Variants in GLRA3 observed in about 807,000 individuals in gnomAD.
GLRA3 encodes the protein glycine receptor alpha 3.
Under a neutral mutation model 60.4 loss-of-function variants are expected in GLRA3, and 44 were observed. The ratio of observed to expected loss-of-function variants is 0.73; its 90% CI spans 0.57 to 0.94. The LOEUF is 0.94. Ranked by LOEUF, GLRA3 falls within the 40% of genes least tolerant of loss-of-function variation. The pLI is 0.00. For missense variants in GLRA3, 508 were observed against 564.6 expected, an observed-to-expected ratio of 0.90 and a Z score of 1.02; for synonymous variants, 223 against 192.9, an observed-to-expected ratio of 1.16 and a Z score of -1.29.
At position 174,772,688 on chromosome 4, in the gene GLRA3, A is replaced by G. The variant is rs187556723; in HGVS notation, c.200-5658T>C. 3.1e-3 allele frequency among the ~76,000 whole-genome samples: 476 copies of G among 152,308 alleles called. 5 individuals carry two copies. Among genetic ancestry groups the G allele is most frequent in the African/African-American group, 0.011 (441 of 41,558 alleles). Reference sequence around the variant, plus strand: ...CATAGAGTCTCCTCAATGTAATAACAAGGTATTTGGGATTTACTTTAGGAA... The same window carrying G: ...CATAGAGTCTCCTCAATGTAATAACGAGGTATTTGGGATTTACTTTAGGAA... On this transcript the variant is annotated intron_variant, in intron 2 of 9. Coordinates refer to ENST00000274093, the MANE Select transcript of GLRA3 (RefSeq NM_006529.4).
rs1455564448 is a variant in GLRA3, at chr4:174,640,065, T to G, written c.*3721A>C. 6.6e-6 allele frequency: 1 copy of G among 152,158 alleles called. No homozygotes were observed. The highest frequency in any genetic ancestry group is 1.5e-5 in the Non-Finnish European group (1 of 67,992). 9.4% of individuals were successfully genotyped at this position (152,158 alleles called of 1,614,324 possible). On this transcript the variant is annotated 3_prime_UTR_variant, in exon 10 of 10. Transcript: ENST00000274093. ...TTGCTTTTCTTTGCTAGTTCAATAT[T>G]AACTAGATGAAAAATATAGGTCGTA...
At chr4:174,810,067 A>G (rs1740200525) in intron 1 of GLRA3, among the ~76,000 whole-genome samples, 1 of 152,206 alleles carries the variant, frequency 6.6e-6, no homozygotes, top group Non-Finnish European at 1.5e-5. Flanking sequence ...GCACTGTCTG[A>G]GGACTCTGGA....
chr4:174,636,970 A>C lies in GLRA3; in HGVS notation c.*6816T>G, dbSNP rs1174630027. Reference sequence around the variant, plus strand: ...GTTTCGGATCAAATTATCTATAGTTACATGTTAAATACTTTATACTGTTCA... The same window carrying C: ...GTTTCGGATCAAATTATCTATAGTTCCATGTTAAATACTTTATACTGTTCA... On this transcript the variant is annotated 3_prime_UTR_variant, in exon 10 of 10. Coordinates refer to ENST00000274093, the MANE Select transcript of GLRA3 (RefSeq NM_006529.4). 1.3e-5 allele frequency: 2 copies of C among 152,214 alleles called. No individual in the cohort carries two copies. The highest frequency in any genetic ancestry group is 3.8e-4 in the East Asian group (2 of 5,200). 9.4% of individuals were successfully genotyped at this position (152,214 alleles called of 1,614,324 possible). A position where few individuals can be genotyped will look rare whatever the true frequency, so the allele number is the denominator to read the frequency against.
chr4:174,685,487 A>G (rs1048399155), intron 5 of GLRA3, among the ~76,000 whole-genome samples: 3 of 152,168 alleles, frequency 2.0e-5, no homozygotes, highest in African/African-American at 7.2e-5. Context: ...AGAGTTTGTG[A>G]AAGTCATTGA....
At chr4:174,658,543 A>G (rs1415087210) in intron 8 of GLRA3, among the ~76,000 whole-genome samples, 1 of 152,192 alleles carries the variant, frequency 6.6e-6, no homozygotes, top group African/African-American at 2.4e-5. Context: ...TGTTTCCCAC[A>G]GGGTTTCAAA....
At chr4:174,732,215 TGTG>T (rs1561083469) in intron 3 of GLRA3, among the ~76,000 whole-genome samples, 1 of 151,500 alleles carries the variant, frequency 6.6e-6, no homozygotes, top group African/African-American at 2.4e-5. Context: ...ATTAGCTGGG[TGTG>T]GTGGCGTGCG....
chr4:174,690,508 T>A (rs1182201336), intron 5 of GLRA3, among the ~76,000 whole-genome samples: 3 of 152,194 alleles, frequency 2.0e-5, no homozygotes, highest in Non-Finnish European at 4.4e-5. Flanking sequence ...TATTTATTTA[T>A]TCAGTTTTAA....
At chr4:174,816,406 C>G (rs564663094) in intron 1 of GLRA3, among the ~76,000 whole-genome samples, 1 of 152,278 alleles carries the variant, frequency 6.6e-6, no homozygotes, top group Non-Finnish European at 1.5e-5. Flanking sequence ...CAAATCTCAC[C>G]TATTTCCAGT....
intron 7 of GLRA3, among the ~76,000 whole-genome samples, chr4:174,665,393 C>G (rs1196104846): frequency 1.3e-5 from 2 of 151,978 alleles, no homozygotes; most frequent in Non-Finnish European, 2.9e-5. Context: ...CATCCCACTT[C>G]CACTTTTTTC....
In GLRA3 at chr4:174,804,175, G is replaced by A. The variant is rs115227282; in HGVS notation, c.72-15232C>T. On this transcript the variant is annotated intron_variant, in intron 1 of 9. Coordinates refer to ENST00000274093, the MANE Select transcript of GLRA3 (RefSeq NM_006529.4). ...AAAATTTATAGGATGAAGGACTTCTGAAATAGTGCTCCAGAGTTTCAGGCA... is the reference window on the plus strand; with the variant it reads ...AAAATTTATAGGATGAAGGACTTCTAAAATAGTGCTCCAGAGTTTCAGGCA... Among the ~76,000 whole-genome samples the A allele has an allele frequency of 9.5e-3, 1,452 of 152,240 alleles. 22 individuals are homozygous for A. Among genetic ancestry groups the A allele is most frequent in the African/African-American group, 0.032 (1,337 of 41,570 alleles).
chr4:174,652,018 G>GTT (rs918555047), intron 9 of GLRA3, among the ~76,000 whole-genome samples: 3 of 147,952 alleles, frequency 2.0e-5, no homozygotes, highest in Non-Finnish European at 4.5e-5. Flanking sequence ...AAAACATCAA[G>GTT]TTTTTTTTTT....
intron 1 of GLRA3, among the ~76,000 whole-genome samples, chr4:174,811,705 C>T (rs900045969): frequency 6.6e-6 from 1 of 152,120 alleles, no homozygotes; most frequent in African/African-American, 2.4e-5. Flanking sequence ...ATTAGAAAAA[C>T]AAATAACACA....
intron 5 of GLRA3, among the ~76,000 whole-genome samples, chr4:174,685,836 C>G (rs1356424263): frequency 6.6e-6 from 1 of 152,076 alleles, no homozygotes. Flanking sequence ...CACCTATAAT[C>G]ACTGAAGACA....
rs1735107583 is a variant in GLRA3 at position 174,697,509 on chromosome 4, CA to C, written c.575-14571del. On this transcript the variant is annotated intron_variant, in intron 5 of 9. Coordinates refer to ENST00000274093, the MANE Select transcript of GLRA3 (RefSeq NM_006529.4). ...AAAACATTTTTATTTATAATTTGTGCATTTCATTTGAATACTCTTACCATAA... is the reference window on the plus strand; with the variant it reads ...AAAACATTTTTATTTATAATTTGTGCTTTCATTTGAATACTCTTACCATAA... Among the ~76,000 whole-genome samples, 3 of 152,286 alleles carry C rather than the reference CA, an allele frequency of 2.0e-5. No individual in the cohort carries two copies. In the South Asian group the frequency reaches 6.2e-4, roughly 32 times the overall value.
intron 3 of GLRA3, among the ~76,000 whole-genome samples, chr4:174,730,716 T>A (rs1736517649): frequency 2.0e-5 from 3 of 152,176 alleles, no homozygotes. Context: ...ATGTTTAGTA[T>A]CTTTCAGCTT....
intron 9 of GLRA3, among the ~76,000 whole-genome samples, chr4:174,647,435 A>G (rs1732866980): frequency 1.3e-5 from 2 of 149,614 alleles, no homozygotes; most frequent in South Asian, 2.1e-4. Flanking sequence ...ACTCATGGAA[A>G]AAACTACTCA....
At chr4:174,796,589 T>A (rs904843865) in intron 1 of GLRA3, among the ~76,000 whole-genome samples, 3 of 151,634 alleles carry the variant, frequency 2.0e-5, no homozygotes, top group African/African-American at 7.3e-5. Flanking sequence ...CAGGCTGGAG[T>A]GCAGAGGCGC....
chr4:174,814,515 A>G lies in GLRA3; in HGVS notation c.71+14226T>C, dbSNP rs113716167. On this transcript the variant is annotated intron_variant, in intron 1 of 9. Coordinates refer to ENST00000274093, the MANE Select transcript of GLRA3 (RefSeq NM_006529.4). Reference sequence around the variant, plus strand: ...TGGAGCTTGGAAAGCTTGATGTATTAGTTCATTTTCATGCTGATCATAAAG... The same window carrying G: ...TGGAGCTTGGAAAGCTTGATGTATTGGTTCATTTTCATGCTGATCATAAAG... Among the ~76,000 whole-genome samples the G allele has an allele frequency of 6.2e-3, 946 of 152,292 alleles. 11 individuals are homozygous for G. The highest frequency in any genetic ancestry group is 0.022 in the African/African-American group (904 of 41,558).
At chr4:174,670,652 T>A (rs1733869575) in intron 7 of GLRA3, among the ~76,000 whole-genome samples, 1 of 152,176 alleles carries the variant, frequency 6.6e-6, no homozygotes, top group African/African-American at 2.4e-5. Context: ...TCTATCAGAT[T>A]TAAGAATTTA....
Sources: allele counts gnomAD v4.1 joint callset (sites outside exome capture counted in the v4.1 genomes callset), GRCh38; gene constraint gnomAD v4.1.1; transcripts MANE v1.5; gene names NCBI Gene and HGNC (gene_info 2026-07-23, HGNC 2026-07-21).